The following CERS5 variants were observed in gnomAD, a reference collection of about 807,000 sequenced individuals.
CERS5 encodes ceramide synthase 5.
Under a neutral mutation model 58.9 loss-of-function variants are expected in CERS5, and 37 were observed. The observed-to-expected ratio is 0.63, with a 90% confidence interval of 0.48 to 0.83. The LOEUF (loss-of-function observed/expected upper bound fraction) is 0.83. CERS5 is among the 40% of genes least tolerant of loss of function. CERS5 has a pLI of 0.00. For synonymous variants in CERS5, 147 were observed against 177.8 expected, an observed-to-expected ratio of 0.83 and a Z score of 1.38; for missense variants, 398 against 489.3, an observed-to-expected ratio of 0.81 and a Z score of 1.76.
Position 50,135,807 on chromosome 12 carries a change from T to C in CERS5, c.797A>G (p.Gln266Arg). The C allele has an allele frequency of 4.3e-6, 7 of 1,614,076 alleles. No homozygotes were observed. Among genetic ancestry groups the C allele is most frequent in the Non-Finnish European group, 5.1e-6 (6 of 1,180,014 alleles). ...CACAAAAAGGGTGTCACAGAGCCGC[T>C]GATACTTGGCATAATTGGCCAGTTT... ...AAKLANYAKY[Q>R]RLCDTLFVIF... is the part of the protein sequence containing the mutation. Residue 266 changes from glutamine to arginine, a missense_variant, in exon 8 of 10, where the codon CAG (glutamine) becomes CGG (arginine). Physicochemically the swap from Gln to Arg is conservative, Grantham distance 43 (BLOSUM62 1). Around this residue, in one of 3 missense-constraint regions of CERS5, gnomAD observed 328 missense variants for 384.5 expected, o/e 0.85. Coordinates refer to ENST00000317551, the MANE Select transcript of CERS5 (RefSeq NM_147190.5).
intron 1 of CERS5, among the ~76,000 whole-genome samples, chr12:50,149,508 T>C (rs1939471462): frequency 2.0e-5 from 3 of 152,226 alleles, no homozygotes; most frequent in African/African-American, 4.8e-5. Context: ...ATATTCACAA[T>C]GCTACTTTTG....
intron 1 of CERS5, among the ~76,000 whole-genome samples, chr12:50,149,934 G>C (rs1010114543): frequency 2.6e-5 from 4 of 152,036 alleles, no homozygotes; most frequent in South Asian, 4.2e-4. Context: ...GTAGAGACGG[G>C]GTTTCACCAC....
intron 1 of CERS5, among the ~76,000 whole-genome samples, chr12:50,154,478 T>C (rs1299851432): frequency 1.3e-5 from 2 of 152,204 alleles, no homozygotes; most frequent in African/African-American, 4.8e-5. Context: ...TGAGGCCATC[T>C]TTTCTTCATA....
intron 5 of CERS5, 129 bp from the exon 6 acceptor site, chr12:50,137,949 G>C (rs1341253880): frequency 1.5e-6 from 1 of 654,958 alleles, no homozygotes; most frequent in African/African-American, 1.8e-5. Context: ...TATCTGCCAA[G>C]ATATGCAATA....
chr12:50,134,443 T>C, intron 9 of CERS5, 103 bp downstream of exon 9: 1 of 1,608,716 alleles, frequency 6.2e-7, no homozygotes, highest in Non-Finnish European at 8.5e-7. Context: ...TTGCTTGGCC[T>C]GCTTGAGTAG....
chr12:50,152,250 C>T (rs921421244), intron 1 of CERS5, among the ~76,000 whole-genome samples: 1 of 152,068 alleles, frequency 6.6e-6, no homozygotes, highest in Admixed American at 6.6e-5. Flanking sequence ...AGTGATTGTG[C>T]AAATCAATGG....
intron 1 of CERS5, among the ~76,000 whole-genome samples, chr12:50,155,736 C>CAA (rs146913126): frequency 0.34 from 7,290 of 21,454 alleles, 2,665 homozygotes; most frequent in East Asian, 0.76. Flanking sequence ...GACTCCATCT[C>CAA]AAAAAAAAAA....
intron 9 of CERS5, chr12:50,133,019 G>C: frequency 3.9e-6 from 5 of 1,289,084 alleles, no homozygotes; most frequent in Non-Finnish European, 4.0e-6. Flanking sequence ...AAGGAGGTGA[G>C]GAAAGAGTGG....
chr12:50,144,684 A>C (rs1952160084), intron 1 of CERS5: 2 of 703,556 alleles, frequency 2.8e-6, no homozygotes, highest in Admixed American at 2.8e-5. Flanking sequence ...GAAGCTAGGA[A>C]AGGTGAGAAG....
chr12:50,140,284 ATTTTTT>A (rs57651378), intron 4 of CERS5, among the ~76,000 whole-genome samples: 9 of 96,250 alleles, frequency 9.4e-5, no homozygotes, highest in South Asian at 7.4e-4. Context: ...TAACTTCCAA[ATTTTTT>A]TTTTTTTTTT....
At chr12:50,135,303 A>G in intron 8 of CERS5, 1 of 253,410 alleles carries the variant, frequency 3.9e-6, no homozygotes, top group South Asian at 3.4e-5. Flanking sequence ...GAAGAGAGAG[A>G]GAGGAGTGTG....
intron 1 of CERS5, chr12:50,144,598 C>A (rs1230616613): frequency 4.5e-5 from 19 of 425,508 alleles, no homozygotes; most frequent in Middle Eastern, 4.8e-4. Context: ...TATCCTGGAT[C>A]TTGGATACCT....
At chr12:50,140,891 T>C (rs1343132987) in intron 4 of CERS5, among the ~76,000 whole-genome samples, 3 of 151,456 alleles carry the variant, frequency 2.0e-5, no homozygotes, top group East Asian at 3.9e-4. Flanking sequence ...GAGAAAAGTA[T>C]TAAAATCTTC....
chr12:50,132,226 C>T (rs1019165905), intron 9 of CERS5, among the ~76,000 whole-genome samples: 1 of 151,868 alleles, frequency 6.6e-6, no homozygotes, highest in Non-Finnish European at 1.5e-5. Context: ...ATGAAGAAAC[C>T]CCGTCTCTAC....
Position 50,137,903 on chromosome 12 carries a change from C to A in CERS5, c.544-83G>T, listed in dbSNP as rs1001581526. On this transcript the variant is annotated intron_variant, in intron 5 of 9. Transcript: ENST00000317551. ...TCCAACTTTCTCTGCCTTGGAGGAC[C>A]AATACCCCAAATTATTAGACATCTC... 5 of 823,886 alleles carry A rather than the reference C, an allele frequency of 6.1e-6. No individual in the cohort carries two copies. The African/African-American group carries it at 6.9e-5, about 11-fold the overall frequency. 51.0% of individuals were successfully genotyped at this position (823,886 alleles called of 1,614,324 possible).
chr12:50,132,096 C>G (rs1951358958), intron 9 of CERS5, among the ~76,000 whole-genome samples: 1 of 129,580 alleles, frequency 7.7e-6, no homozygotes, highest in African/African-American at 3.0e-5. Context: ...TGGAGCAAAA[C>G]CTTGTCTCTA....
At position 50,134,639 on chromosome 12, in the gene CERS5, G is replaced by A. The variant is rs761136067; in HGVS notation, c.936C>T (p.Leu312=). 9 of 1,614,160 alleles carry A rather than the reference G, an allele frequency of 5.6e-6. No homozygotes were observed. The East Asian group carries it at 2.0e-4, about 36-fold the overall frequency. ...EIIGPYASWW[L]LNGLLLTLQL... Reference sequence around the variant, plus strand: ...GTAGGGTCAGCAGCAGGCCATTGAGGAGCCACCATGAAGCATAAGGCCCGA... The same window carrying A: ...GTAGGGTCAGCAGCAGGCCATTGAGAAGCCACCATGAAGCATAAGGCCCGA... Residue 312 remains leucine, a synonymous_variant, in exon 9 of 10, where the codon CTC becomes CTT. Coordinates refer to ENST00000317551, the MANE Select transcript of CERS5 (RefSeq NM_147190.5).
In CERS5 at chr12:50,129,322, T is replaced by G. The variant is rs1367381354; in HGVS notation, c.*1223A>C. On this transcript the variant is annotated 3_prime_UTR_variant, in exon 10 of 10. Coordinates refer to ENST00000317551, the MANE Select transcript of CERS5 (RefSeq NM_147190.5). ...TATTTTTATTATTGTTTTATCCAAT[T>G]GCATCTTTTGTCAGATTAGCTACAC... 1.3e-5 allele frequency: 2 copies of G among 152,206 alleles called. No individual in the cohort carries two copies. Among genetic ancestry groups the G allele is most frequent in the Non-Finnish European group, 2.9e-5 (2 of 68,044 alleles). 9.4% of individuals were successfully genotyped at this position (152,206 alleles called of 1,614,324 possible).
intron 4 of CERS5, among the ~76,000 whole-genome samples, chr12:50,140,932 C>T (rs1951940648): frequency 6.7e-6 from 1 of 149,244 alleles, no homozygotes; most frequent in Non-Finnish European, 1.5e-5. Context: ...CTATTCTCTT[C>T]CTTTAGTTCT....
Sources: gnomAD v4.1 joint callset for allele counts (sites outside exome capture counted in the v4.1 genomes callset) on GRCh38, gnomAD v4.1.1 for gene constraint, gnomAD v4.1.1 regional missense constraint, MANE v1.5 for transcripts, NCBI Gene and HGNC (gene_info 2026-07-23, HGNC 2026-07-21) for gene names.